CFAP61: variants seen among roughly 807,000 people sequenced by gnomAD.
CFAP61 encodes the protein cilia- and flagella-associated protein 61.
Under a neutral mutation model 135.6 loss-of-function variants are expected in CFAP61, and 107 were observed. The ratio of observed to expected loss-of-function variants is 0.79; its 90% CI spans 0.67 to 0.93. The LOEUF (loss-of-function observed/expected upper bound fraction) is 0.93, where lower values mean the gene tolerates loss of function less well. CFAP61 is among the 40% of genes least tolerant of loss of function. The pLI is 0.00. For missense variants in CFAP61, 1,507 were observed against 1,556.2 expected, an observed-to-expected ratio of 0.97 and a Z score of 0.53; for synonymous variants, 575 against 578.5, an observed-to-expected ratio of 0.99 and a Z score of 0.09.
chr20:20,291,369 A>C lies in CFAP61; in HGVS notation c.3216+978A>C, dbSNP rs117691087. 2.7e-3 allele frequency among the ~76,000 whole-genome samples: 413 copies of C among 152,332 alleles called. 6 individuals carry two copies. The highest frequency in any genetic ancestry group is 0.019 in the Admixed American group (288 of 15,300). On this transcript the variant is annotated intron_variant, in intron 24 of 26. Coordinates refer to ENST00000245957, the MANE Select transcript of CFAP61 (RefSeq NM_015585.4). ...CAACTACTGATCTTCATACTGTCTCAGTCACTTTGCCTTTTCCAGAATGTG... is the reference window on the plus strand; with the variant it reads ...CAACTACTGATCTTCATACTGTCTCCGTCACTTTGCCTTTTCCAGAATGTG...
chr20:20,269,846 C>T (rs2053206638), intron 21 of CFAP61, among the ~76,000 whole-genome samples: 2 of 152,088 alleles, frequency 1.3e-5, no homozygotes, highest in African/African-American at 4.8e-5. Flanking sequence ...TGCTATGAGA[C>T]CTGATTTTGA....
intron 25 of CFAP61, among the ~76,000 whole-genome samples, chr20:20,312,274 T>TA (rs1402879556): frequency 7.2e-5 from 11 of 152,230 alleles, no homozygotes; most frequent in Admixed American, 7.2e-4. Context: ...ACTGTTACTA[T>TA]AACTGCATTC....
At chr20:20,073,165 C>T (rs2045839126) in intron 3 of CFAP61, among the ~76,000 whole-genome samples, 1 of 152,174 alleles carries the variant, frequency 6.6e-6, no homozygotes, top group Non-Finnish European at 1.5e-5. Flanking sequence ...CCATATGCTC[C>T]TGAGGCTAGT....
chr20:20,325,903 C>T (rs1217663358), intron 25 of CFAP61, among the ~76,000 whole-genome samples: 1 of 152,178 alleles, frequency 6.6e-6, no homozygotes, highest in Non-Finnish European at 1.5e-5. Flanking sequence ...AGATTTTAGC[C>T]ATACCCATTG....
rs1354213913 is a variant in CFAP61, at chr20:20,360,586, T to C, written c.*176T>C. 1 of 610,080 alleles carries C rather than the reference T, an allele frequency of 1.6e-6. No individual in the cohort carries two copies. The highest frequency in any genetic ancestry group is 1.8e-5 in the African/African-American group (1 of 54,148). The allele number at this position is 610,080 out of a possible 1,614,324, so 37.8% of individuals were successfully genotyped here. A position where few individuals can be genotyped will look rare whatever the true frequency, so the allele number is the denominator to read the frequency against. On this transcript the variant is annotated 3_prime_UTR_variant, in exon 27 of 27. Transcript: ENST00000245957. ...TGTAGTTTTCTATCATCCCAGTAGG[T>C]GGCACACGGCCGTGTGCCTCTCTTC...
intron 25 of CFAP61, among the ~76,000 whole-genome samples, chr20:20,302,594 G>A (rs1032926615): frequency 3.0e-4 from 46 of 152,252 alleles, no homozygotes; most frequent in African/African-American, 1.1e-3. Context: ...CCTGAGAGGC[G>A]GAGGTTGCAG....
chr20:20,067,177 A>G (rs1261233415), intron 2 of CFAP61, among the ~76,000 whole-genome samples: 1 of 152,012 alleles, frequency 6.6e-6, no homozygotes, highest in Non-Finnish European at 1.5e-5. Context: ...CTCTAATGAA[A>G]AGAGCTCTGA....
Position 20,169,396 on chromosome 20 carries a change from G to C in CFAP61, c.1321G>C (p.Val441Leu), listed in dbSNP as rs1392783077. ...CCTCATCCAGAACTTCGTGAAAATGGTCCCTTTCAACACCTGCACCCTCGA... is the reference window on the plus strand; with the variant it reads ...CCTCATCCAGAACTTCGTGAAAATGCTCCCTTTCAACACCTGCACCCTCGA... ...FFLIQNFVKM[V>L]PFNTCTLEQD... The change falls in exon 13 of 27, where the codon GTC becomes CTC. Residue 441 changes from valine (V) to leucine (L), a missense_variant. Coordinates refer to ENST00000245957, the MANE Select transcript of CFAP61 (RefSeq NM_015585.4). The C allele has an allele frequency of 3.1e-6, 5 of 1,613,768 alleles. No homozygotes were observed. The highest frequency in any genetic ancestry group is 4.2e-6 in the Non-Finnish European group (5 of 1,179,934).
At position 20,277,273 on chromosome 20, in the gene CFAP61, G is replaced by A. The variant is rs2053835073; in HGVS notation, c.2611G>A (p.Ala871Thr). 2 of 1,613,990 alleles carry A rather than the reference G, an allele frequency of 1.2e-6. No individual in the cohort carries two copies. The highest frequency in any genetic ancestry group is 1.7e-4 in the Middle Eastern group (1 of 6,060). The change falls in exon 22 of 27, where the codon GCC becomes ACC. Residue 871 changes from alanine (A) to threonine (T), a missense_variant. Coordinates refer to ENST00000245957, the MANE Select transcript of CFAP61 (RefSeq NM_015585.4). Reference protein sequence around the residue: ...SRIHLVQPPPASTITCINNYS... With the variant: ...SRIHLVQPPPTSTITCINNYS... ...CATCCACCTCGTGCAGCCCCCGCCC[G>A]CCTCCACCATCACCTGCATCAACAA...
chr20:20,297,593 C>T (rs2055738372), intron 24 of CFAP61, among the ~76,000 whole-genome samples: 1 of 152,218 alleles, frequency 6.6e-6, no homozygotes, highest in South Asian at 2.1e-4. Context: ...CACAAATCCA[C>T]ACTTTTAACA....
chr20:20,126,256 G>T (rs1047588455), intron 8 of CFAP61, among the ~76,000 whole-genome samples: 2 of 151,718 alleles, frequency 1.3e-5, no homozygotes, highest in African/African-American at 4.9e-5. Flanking sequence ...GTTATTTGTT[G>T]TCTGTGTTCC....
chr20:20,322,380 CCA>C (rs1184279527), intron 25 of CFAP61, among the ~76,000 whole-genome samples: 1 of 152,176 alleles, frequency 6.6e-6, no homozygotes, highest in African/African-American at 2.4e-5. Flanking sequence ...GGGCCTACCC[CCA>C]CAAAGAGAGA....
intron 20 of CFAP61, chr20:20,253,295 G>T (rs6046759): frequency 0.46 from 69,621 of 149,802 alleles, 16,392 homozygotes; most frequent in East Asian, 0.72. Context: ...ATTTATTGTT[G>T]GATGAGTCTA....
At chr20:20,093,211 A>C (rs1227693080) in intron 7 of CFAP61, among the ~76,000 whole-genome samples, 2 of 152,216 alleles carry the variant, frequency 1.3e-5, no homozygotes, top group African/African-American at 4.8e-5. Context: ...GAAGTCAGTC[A>C]TAAAGACCAC....
chr20:20,089,759 C>T (rs1004438162), intron 6 of CFAP61, among the ~76,000 whole-genome samples: 16 of 152,106 alleles, frequency 1.1e-4, no homozygotes, highest in Non-Finnish European at 1.8e-4. Context: ...TCCCACCTGC[C>T]ACCGCCCCCT....
At chr20:20,174,866 A>G (rs2054491243) in intron 13 of CFAP61, among the ~76,000 whole-genome samples, 1 of 152,238 alleles carries the variant, frequency 6.6e-6, no homozygotes, top group Non-Finnish European at 1.5e-5. Flanking sequence ...AGAAGACTCC[A>G]TCACCTTGCT....
intron 6 of CFAP61, chr20:20,085,018 C>A: frequency 1.5e-6 from 1 of 672,912 alleles, no homozygotes; most frequent in Non-Finnish European, 1.8e-6. Context: ...ACATTGCTGC[C>A]CCCTCCAAGA....
intron 13 of CFAP61, among the ~76,000 whole-genome samples, chr20:20,185,256 A>G (rs2055414376): frequency 2.6e-5 from 4 of 152,254 alleles, no homozygotes; most frequent in Admixed American, 6.5e-5. Context: ...GAATTTGAGT[A>G]TAAGAGTCTT....
chr20:20,087,690 A>C (rs939019638), intron 6 of CFAP61, among the ~76,000 whole-genome samples: 1 of 152,178 alleles, frequency 6.6e-6, no homozygotes, highest in Non-Finnish European at 1.5e-5. Context: ...CTAAGTAATA[A>C]TGATAATAAC....
Sources: allele counts gnomAD v4.1 joint callset (sites outside exome capture counted in the v4.1 genomes callset), GRCh38; gene constraint gnomAD v4.1.1; transcripts MANE v1.5; gene names NCBI Gene and HGNC (gene_info 2026-07-23, HGNC 2026-07-21).